Variants in CDH18 observed in about 807,000 individuals in gnomAD.
CDH18 encodes cadherin-18.
Under a neutral mutation model 67.9 loss-of-function variants are expected in CDH18, and 31 were observed. That is an observed-to-expected ratio of 0.46 (90% CI 0.34 to 0.62). The LOEUF is 0.62. CDH18 is among the 20% of genes least tolerant of loss of function. The probability of loss-of-function intolerance (pLI) is 0.01; values close to 1 mark genes in which losing one functional copy is unlikely to be tolerated. For synonymous variants in CDH18, 362 were observed against 347.2 expected, an observed-to-expected ratio of 1.04 and a Z score of -0.48; for missense variants, 890 against 975.5, an observed-to-expected ratio of 0.91 and a Z score of 1.17.
At chr5:20,398,845 G>A (rs75576754) in intron 1 of CDH18, among the ~76,000 whole-genome samples, 1 of 146,774 alleles carries the variant, frequency 6.8e-6, no homozygotes, top group Non-Finnish European at 1.5e-5. Context: ...GTATACCTAC[G>A]TAGAAAACCA....
At position 20,384,237 on chromosome 5, in the gene CDH18, G is replaced by A. The variant is rs192232037; in HGVS notation, c.-579-128732C>T. Reference sequence around the variant, plus strand: ...GTATAGCTGAACATTTCTACCCAAGGAACAACTCATTTCCCCCCTTCTCAC... The same window carrying A: ...GTATAGCTGAACATTTCTACCCAAGAAACAACTCATTTCCCCCCTTCTCAC... On this transcript the variant is annotated intron_variant, in intron 1 of 14. Coordinates refer to the CDH18 transcript ENST00000507958. 5.4e-4 allele frequency among the ~76,000 whole-genome samples: 82 copies of A among 152,044 alleles called. 1 individual carries two copies. In the East Asian group the frequency reaches 0.015, roughly 28 times the overall value.
intron 5 of CDH18, among the ~76,000 whole-genome samples, chr5:19,644,916 C>A (rs1055095180): frequency 6.6e-6 from 1 of 152,208 alleles, no homozygotes; most frequent in Admixed American, 6.5e-5. Context: ...GCTAAAGGTG[C>A]ATTCCCTGAA....
At chr5:19,987,980 G>C (rs1352343545) in intron 1 of CDH18, 106 bp downstream of exon 1, 1 of 152,192 alleles carries the variant, frequency 6.6e-6, no homozygotes, top group Admixed American at 6.5e-5. Flanking sequence ...CGGAGATGAA[G>C]ATTTCACCCA....
chr5:19,796,396 C>T (rs1291033145), intron 3 of CDH18, among the ~76,000 whole-genome samples: 3 of 152,056 alleles, frequency 2.0e-5, no homozygotes, highest in Admixed American at 6.6e-5. Context: ...CATGTAACAC[C>T]ATTGAGACTT....
chr5:20,490,719 C>G (rs992323910), intron 1 of CDH18, among the ~76,000 whole-genome samples: 1 of 152,090 alleles, frequency 6.6e-6, no homozygotes, highest in Non-Finnish European at 1.5e-5. Flanking sequence ...TCAGTGGCCA[C>G]TTGGATTTGG....
intron 3 of CDH18, among the ~76,000 whole-genome samples, chr5:19,784,152 A>C (rs1164181009): frequency 2.0e-5 from 3 of 152,192 alleles, no homozygotes; most frequent in Non-Finnish European, 4.4e-5. Flanking sequence ...AGAAATGTAT[A>C]GCCTATGTTT....
At chr5:19,595,764 T>C (rs1247862533) in intron 6 of CDH18, among the ~76,000 whole-genome samples, 1 of 152,206 alleles carries the variant, frequency 6.6e-6, no homozygotes, top group Admixed American at 6.5e-5. Flanking sequence ...TTTTCTCAGC[T>C]CTCTTTCATA....
intron 3 of CDH18, among the ~76,000 whole-genome samples, chr5:19,762,110 TAC>T (rs1772435835): frequency 6.6e-6 from 1 of 152,150 alleles, no homozygotes; most frequent in South Asian, 2.1e-4. Context: ...AATAAAGACT[TAC>T]ATGTTAGACC....
At chr5:20,303,613 C>G (rs762576721) in intron 1 of CDH18, among the ~76,000 whole-genome samples, 5 of 152,180 alleles carry the variant, frequency 3.3e-5, no homozygotes, top group Admixed American at 6.5e-5. Flanking sequence ...TCGGCTGAGC[C>G]CACCGGAGAG....
intron 7 of CDH18, among the ~76,000 whole-genome samples, chr5:19,590,792 T>G (rs1375829750): frequency 6.6e-6 from 1 of 152,122 alleles, no homozygotes; most frequent in African/African-American, 2.4e-5. Flanking sequence ...TCAGGAAGAT[T>G]AGAGCAGAGA....
rs145237313 is a variant in CDH18, at chr5:20,345,781, C to A, written c.-579-90276G>T. ...ACCAACCCTTGCAAGCAGGCACCAC[C>A]AATTCCAGAGTGGCCACAATGCTTC... is the stretch of plus-strand genomic sequence containing the variant. On this transcript the variant is annotated intron_variant, in intron 1 of 14. Coordinates refer to the CDH18 transcript ENST00000507958. 1.4e-3 allele frequency among the ~76,000 whole-genome samples: 212 copies of A among 152,220 alleles called. 2 individuals carry two copies. The highest frequency in any genetic ancestry group is 8.5e-3 in the South Asian group (41 of 4,800).
At chr5:20,192,539 G>T (rs550265709) in intron 2 of CDH18, among the ~76,000 whole-genome samples, 1 of 152,230 alleles carries the variant, frequency 6.6e-6, no homozygotes, top group Admixed American at 6.6e-5. Flanking sequence ...AAGGAGTAAG[G>T]AAGGGGTCCT....
At chr5:20,170,244 T>C (rs2126642997) in intron 2 of CDH18, among the ~76,000 whole-genome samples, 1 of 151,966 alleles carries the variant, frequency 6.6e-6, no homozygotes, top group Non-Finnish European at 1.5e-5. Flanking sequence ...GTTCTCATTG[T>C]TCAGCTCCCA....
At chr5:19,558,198 G>A (rs910822226) in intron 8 of CDH18, among the ~76,000 whole-genome samples, 1 of 151,912 alleles carries the variant, frequency 6.6e-6, no homozygotes, top group African/African-American at 2.4e-5. Flanking sequence ...AAGTCTGAAA[G>A]GGTACAAATA....
chr5:20,396,110 T>C (rs1375850825), intron 1 of CDH18, among the ~76,000 whole-genome samples: 2 of 152,220 alleles, frequency 1.3e-5, no homozygotes, highest in African/African-American at 4.8e-5. Context: ...TTATGGAAAC[T>C]TTAATTCACT....
chr5:20,375,987 A>G (rs1035685333), intron 1 of CDH18, among the ~76,000 whole-genome samples: 2 of 151,962 alleles, frequency 1.3e-5, no homozygotes, highest in East Asian at 3.9e-4. Context: ...ATCCACTGAG[A>G]CTGGGCAACG....
intron 4 of CDH18, among the ~76,000 whole-genome samples, chr5:19,724,070 C>T (rs1048958174): frequency 1.1e-4 from 16 of 152,132 alleles, no homozygotes; most frequent in African/African-American, 3.6e-4. Flanking sequence ...TACAAATATT[C>T]ATAGTGGCAT....
At chr5:19,974,578 C>A (rs1361672640) in intron 2 of CDH18, among the ~76,000 whole-genome samples, 1 of 148,990 alleles carries the variant, frequency 6.7e-6, no homozygotes, top group Admixed American at 6.7e-5. Flanking sequence ...ATGGGAAGGA[C>A]CATTAGAGAG....
chr5:19,896,661 C>A (rs1789376527), intron 2 of CDH18, among the ~76,000 whole-genome samples: 1 of 152,170 alleles, frequency 6.6e-6, no homozygotes, highest in South Asian at 2.1e-4. Context: ...CAATTTCTAG[C>A]GTTTTAAGCC....
Sources: allele counts gnomAD v4.1 joint callset (sites outside exome capture counted in the v4.1 genomes callset), GRCh38; gene constraint gnomAD v4.1.1; transcripts MANE v1.5; gene names NCBI Gene and HGNC (gene_info 2026-07-23, HGNC 2026-07-21).